Variants in ACACA observed in about 807,000 individuals in gnomAD.
The protein encoded by ACACA is acetyl-CoA carboxylase alpha.
Under a neutral mutation model 296.1 loss-of-function variants are expected in ACACA, and 103 were observed. The ratio of observed to expected loss-of-function variants is 0.35; its 90% CI spans 0.30 to 0.41. The LOEUF (loss-of-function observed/expected upper bound fraction) is 0.41, where lower values mean the gene tolerates loss of function less well. Ranked by LOEUF, ACACA falls within the 10% of genes least tolerant of loss-of-function variation. The pLI is 1.00. For missense variants in ACACA, 1,554 were observed against 2,989.7 expected (o/e 0.52, Z 11.20); for synonymous variants, 953 against 1,038.6 (o/e 0.92, Z 1.58).
At position 37,406,248 on chromosome 17, in the gene ACACA, A is replaced by G. The variant is rs1218352244; in HGVS notation, c.38+14T>C. On this transcript the variant is annotated intron_variant, in intron 1 of 55. Coordinates refer to ENST00000616317, the MANE Select transcript of ACACA (RefSeq NM_198834.3). ...TCATCATTAACAGCAGTAATAAGAG[A>G]TCTTGGGACATACCTAGCCCTCAAG... The G allele has an allele frequency of 1.9e-6, 3 of 1,613,674 alleles. No individual in the cohort carries two copies. Among genetic ancestry groups the G allele is most frequent in the African/African-American group, 2.7e-5 (2 of 74,902 alleles).
In ACACA at chr17:37,097,260, A is replaced by G; in HGVS notation, c.6721-94T>C. 1 of 1,445,246 alleles carries G rather than the reference A, an allele frequency of 6.9e-7. No homozygotes were observed. Among genetic ancestry groups the G allele is most frequent in the Non-Finnish European group, 9.5e-7 (1 of 1,057,504 alleles). 89.5% of individuals were successfully genotyped at this position (1,445,246 alleles called of 1,614,324 possible). On this transcript the variant is annotated intron_variant, in intron 53 of 55. Transcript: ENST00000616317. The surrounding 1 kb of genome is among the most constrained non-coding windows in gnomAD (Gnocchi z 4.8). ...CCACAGGCATAAAAACTGATTCTCCAGGCAAGCCCTTCACAGACCCAAGAG... is the reference window on the plus strand; with the variant it reads ...CCACAGGCATAAAAACTGATTCTCCGGGCAAGCCCTTCACAGACCCAAGAG...
chr17:37,223,438 T>A (rs2079387399), intron 28 of ACACA, 74 bp downstream of exon 28: 2 of 1,226,498 alleles, frequency 1.6e-6, no homozygotes, highest in Admixed American at 1.7e-5. Flanking sequence ...AGAACTGACA[T>A]GGCAGCCAAA....
At chr17:37,133,864 G>C (rs964503600) in intron 45 of ACACA, among the ~76,000 whole-genome samples, 12 of 152,208 alleles carry the variant, frequency 7.9e-5, no homozygotes, top group African/African-American at 2.7e-4. Flanking sequence ...TGGAGAAGCA[G>C]TACCATGCAA....
chr17:37,301,261 G>T, intron 3 of ACACA: 1 of 592,280 alleles, frequency 1.7e-6, no homozygotes, highest in Non-Finnish European at 2.1e-6. Context: ...TATAGACACT[G>T]CTGCTCACAA....
chr17:37,191,326 A>C, intron 37 of ACACA, 51 bp from the exon 38 acceptor site: 1 of 1,539,392 alleles, frequency 6.5e-7, no homozygotes, highest in Non-Finnish European at 8.9e-7. Flanking sequence ...AGAGGCAATA[A>C]AGAAATGGCT....
chr17:37,242,367 A>C (rs114104332), intron 22 of ACACA, among the ~76,000 whole-genome samples: 3,365 of 152,298 alleles, frequency 0.022, 119 homozygotes, highest in African/African-American at 0.076. Flanking sequence ...TATTCCCTAC[A>C]CATACATCTG....
intron 27 of ACACA, among the ~76,000 whole-genome samples, 169 bp from the exon 28 acceptor site, chr17:37,223,770 C>T (rs2079404326): frequency 6.6e-6 from 1 of 152,212 alleles, no homozygotes; most frequent in Non-Finnish European, 1.5e-5. Context: ...AATAAAATAC[C>T]TATCCTCATA....
chr17:37,404,570 ATT>A (rs5820212), intron 1 of ACACA, among the ~76,000 whole-genome samples: 1,774 of 104,658 alleles, frequency 0.017, 24 homozygotes, highest in African/African-American at 0.064. Flanking sequence ...TGCCACAGTG[ATT>A]TTTTTTTTTT....
chr17:37,155,229 C>T (rs2076192104), intron 43 of ACACA, among the ~76,000 whole-genome samples: 1 of 151,996 alleles, frequency 6.6e-6, no homozygotes, highest in Non-Finnish European at 1.5e-5. Context: ...ACTATGTAGA[C>T]ATTAAGCATC....
chr17:37,143,696 T>A (rs1464450889), intron 45 of ACACA: 1 of 902,510 alleles, frequency 1.1e-6, no homozygotes, highest in Non-Finnish European at 1.8e-6. Context: ...ATCATCATCA[T>A]CTTCTTCATC....
intron 3 of ACACA, among the ~76,000 whole-genome samples, chr17:37,322,605 C>G (rs1245849698): frequency 6.6e-6 from 1 of 152,138 alleles, no homozygotes; most frequent in Non-Finnish European, 1.5e-5. Context: ...CTGCAACACC[C>G]CCAATCCTGT....
chr17:37,154,092 A>C (rs2076147152), intron 43 of ACACA, among the ~76,000 whole-genome samples: 1 of 152,090 alleles, frequency 6.6e-6, no homozygotes. Flanking sequence ...GGATTATTTG[A>C]GGTCAGGAGT....
intron 52 of ACACA, among the ~76,000 whole-genome samples, chr17:37,107,263 A>G (rs551824716): frequency 3.7e-4 from 57 of 152,204 alleles, no homozygotes; most frequent in Admixed American, 1.0e-3. Flanking sequence ...CAAACAAGCA[A>G]CTCTGGCTCT....
chr17:37,136,126 C>G (rs531824114), intron 45 of ACACA, among the ~76,000 whole-genome samples: 1 of 151,670 alleles, frequency 6.6e-6, no homozygotes, highest in African/African-American at 2.4e-5. Flanking sequence ...ATAAGGTATA[C>G]AAGTCTGTGA....
At chr17:37,332,199 C>T (rs1422226466) in intron 2 of ACACA, among the ~76,000 whole-genome samples, 3 of 150,584 alleles carry the variant, frequency 2.0e-5, no homozygotes, top group African/African-American at 7.3e-5. Flanking sequence ...CACATGTATC[C>T]CAGAACTTAA....
At chr17:37,282,184 C>T (rs2146571901) in intron 5 of ACACA, among the ~76,000 whole-genome samples, 3 of 152,312 alleles carry the variant, frequency 2.0e-5, no homozygotes, top group Admixed American at 2.0e-4. Context: ...TGAGTTCTCA[C>T]TCTAAGTTCA....
intron 3 of ACACA, among the ~76,000 whole-genome samples, chr17:37,310,471 T>C (rs747091086): frequency 3.9e-5 from 6 of 152,074 alleles, no homozygotes; most frequent in Non-Finnish European, 8.8e-5. Flanking sequence ...CATCAGCATA[T>C]AAGCAGTAGC....
chr17:37,338,283 CT>C (rs2048226012), intron 2 of ACACA, among the ~76,000 whole-genome samples: 1 of 145,812 alleles, frequency 6.9e-6, no homozygotes, highest in South Asian at 2.2e-4. Flanking sequence ...TCTAAATTTA[CT>C]ATACATTTCT....
intron 39 of ACACA, among the ~76,000 whole-genome samples, chr17:37,183,179 T>C (rs575752486): frequency 3.0e-4 from 46 of 152,250 alleles, no homozygotes; most frequent in African/African-American, 1.1e-3. Context: ...AGACAAGACC[T>C]TGAGACTCGG....
Sources: gnomAD v4.1 joint callset for allele counts (sites outside exome capture counted in the v4.1 genomes callset) on GRCh38, gnomAD v4.1.1 for gene constraint, Gnocchi (gnomAD v3.1) non-coding constraint, MANE v1.5 for transcripts, NCBI Gene and HGNC (gene_info 2026-07-23, HGNC 2026-07-21) for gene names.